Variants in ROBO1 observed in about 807,000 individuals in gnomAD.
The protein encoded by ROBO1 is roundabout guidance receptor 1.
A neutral mutation model predicts 195.9 loss-of-function variants in ROBO1; 149 were observed. That is an observed-to-expected ratio of 0.76 (90% confidence interval 0.67 to 0.87). The LOEUF (loss-of-function observed/expected upper bound fraction) is 0.87, where lower values mean the gene tolerates loss of function less well. Ranked by LOEUF, ROBO1 falls within the 40% of genes least tolerant of loss-of-function variation. The probability of loss-of-function intolerance (pLI) is 0.00; values close to 1 mark genes in which losing one functional copy is unlikely to be tolerated. For missense variants in ROBO1, 1,933 were observed against 2,068.3 expected, an observed-to-expected ratio of 0.93 and a Z score of 1.27; for synonymous variants, 816 against 733.2, an observed-to-expected ratio of 1.11 and a Z score of -1.82.
At position 79,391,641 on chromosome 3, in the gene ROBO1, T is replaced by C. The variant is rs527251170; in HGVS notation, c.88+198183A>G. 5.3e-5 allele frequency among the ~76,000 whole-genome samples: 8 copies of C among 152,278 alleles called. No homozygotes were observed. In the East Asian group the frequency reaches 1.5e-3, roughly 29 times the overall value. On this transcript the variant is annotated intron_variant, in intron 2 of 30. Coordinates refer to ENST00000464233, the MANE Select transcript of ROBO1 (RefSeq NM_002941.4). Reference sequence around the variant, plus strand: ...TAACATACAGAGATATCTATGTGAATTGTATATAGTATTCCCTCTAATTCA... The same window carrying C: ...TAACATACAGAGATATCTATGTGAACTGTATATAGTATTCCCTCTAATTCA...
intron 2 of ROBO1, among the ~76,000 whole-genome samples, chr3:79,381,422 A>G (rs139551660): frequency 6.6e-6 from 1 of 151,622 alleles, no homozygotes; most frequent in African/African-American, 2.4e-5. Flanking sequence ...ATTATAAGCC[A>G]TAAGTTTTAG....
chr3:78,915,134 A>G (rs1345690429), intron 4 of ROBO1, among the ~76,000 whole-genome samples: 1 of 152,158 alleles, frequency 6.6e-6, no homozygotes, highest in East Asian at 1.9e-4. Context: ...ATTATGACAA[A>G]GTCAAATTTA....
intron 2 of ROBO1, among the ~76,000 whole-genome samples, chr3:79,464,290 A>T (rs1937826240): frequency 2.0e-5 from 3 of 152,184 alleles, no homozygotes; most frequent in Non-Finnish European, 2.9e-5. Context: ...TATAACTAGG[A>T]GTGGAATTAC....
chr3:79,718,591 G>A (rs1420770717), intron 1 of ROBO1, among the ~76,000 whole-genome samples: 1 of 151,760 alleles, frequency 6.6e-6, no homozygotes, highest in Non-Finnish European at 1.5e-5. Context: ...GTAATTATTT[G>A]TCTCCCCCAT....
chr3:79,123,458 T>C (rs2080158826), intron 3 of ROBO1, among the ~76,000 whole-genome samples: 1 of 152,060 alleles, frequency 6.6e-6, no homozygotes, highest in Non-Finnish European at 1.5e-5. Flanking sequence ...GCAGTCAACA[T>C]TATTTTTTCT....
chr3:79,218,698 A>G (rs2082092510), intron 2 of ROBO1, among the ~76,000 whole-genome samples: 1 of 151,992 alleles, frequency 6.6e-6, no homozygotes, highest in Admixed American at 6.6e-5. Flanking sequence ...GTATAATGTA[A>G]TAGACAAAGA....
At chr3:79,208,686 CATGT>C (rs1218376474) in intron 2 of ROBO1, among the ~76,000 whole-genome samples, 5 of 79,950 alleles carry the variant, frequency 6.3e-5, no homozygotes, top group Middle Eastern at 5.6e-3. Flanking sequence ...GGTGGTGGGG[CATGT>C]GTGTGTGTGT....
At chr3:79,385,183 A>T (rs1273211202) in intron 2 of ROBO1, among the ~76,000 whole-genome samples, 1 of 152,062 alleles carries the variant, frequency 6.6e-6, no homozygotes, top group Non-Finnish European at 1.5e-5. Flanking sequence ...GTATTTCTTA[A>T]ATTTGGACGC....
intron 2 of ROBO1, among the ~76,000 whole-genome samples, chr3:79,226,859 C>T (rs2108841107): frequency 6.6e-6 from 1 of 152,080 alleles, no homozygotes; most frequent in Non-Finnish European, 1.5e-5. Context: ...CTTTCTGTTC[C>T]TTTACTCACA....
At chr3:79,658,324 T>A (rs902357631) in intron 1 of ROBO1, among the ~76,000 whole-genome samples, 6 of 152,108 alleles carry the variant, frequency 3.9e-5, no homozygotes, top group Non-Finnish European at 7.4e-5. Context: ...TTATTTCTTA[T>A]TAGTAATAGT....
chr3:79,512,969 C>T (rs1940782281), intron 2 of ROBO1: 1 of 152,070 alleles, frequency 6.6e-6, no homozygotes, highest in Admixed American at 6.6e-5. Context: ...GTATCAAGCA[C>T]AATGAATCAA....
intron 2 of ROBO1, among the ~76,000 whole-genome samples, chr3:79,339,658 T>A (rs745500817): frequency 6.6e-6 from 1 of 152,184 alleles, no homozygotes; most frequent in African/African-American, 2.4e-5. Flanking sequence ...TCTGACATAC[T>A]ATATAAGGTG....
chr3:78,905,112 TATAG>T (rs1179994905), intron 4 of ROBO1, among the ~76,000 whole-genome samples: 2 of 152,138 alleles, frequency 1.3e-5, no homozygotes, highest in African/African-American at 4.8e-5. Context: ...GCAGGAATAA[TATAG>T]AAACACCAGA....
chr3:79,482,908 T>C lies in ROBO1; in HGVS notation c.88+106916A>G, dbSNP rs186598026. ...CCTCAAGTCCATTTTCCTCTTCTTC[T>C]ATAATAATTGTTCTAGCTATGCCAT... On this transcript the variant is annotated intron_variant, in intron 2 of 30. Coordinates refer to ENST00000464233, the MANE Select transcript of ROBO1 (RefSeq NM_002941.4). Among the ~76,000 whole-genome samples, 88 of 152,278 alleles carry C rather than the reference T, an allele frequency of 5.8e-4. 1 individual carries two copies. Among genetic ancestry groups the C allele is most frequent in the South Asian group, 1.0e-3 (5 of 4,828 alleles).
At chr3:79,165,185 T>G (rs1430407200) in intron 2 of ROBO1, among the ~76,000 whole-genome samples, 2 of 152,194 alleles carry the variant, frequency 1.3e-5, no homozygotes, top group Admixed American at 1.3e-4. Flanking sequence ...GTTCAATAAA[T>G]ATTTATCATT....
intron 4 of ROBO1, among the ~76,000 whole-genome samples, chr3:78,770,638 C>T (rs565022609): frequency 6.6e-6 from 1 of 152,256 alleles, no homozygotes; most frequent in African/African-American, 2.4e-5. Context: ...TAATGAGGCT[C>T]CACTTGTCAA....
At chr3:78,731,276 C>T (rs944386364) in intron 5 of ROBO1, among the ~76,000 whole-genome samples, 3 of 151,972 alleles carry the variant, frequency 2.0e-5, no homozygotes, top group East Asian at 1.9e-4. Flanking sequence ...TTCTAACCTA[C>T]GTCTAGGATA....
intron 3 of ROBO1, among the ~76,000 whole-genome samples, chr3:78,951,916 G>C (rs1038448882): frequency 3.3e-5 from 5 of 151,932 alleles, no homozygotes; most frequent in Non-Finnish European, 7.4e-5. Flanking sequence ...CCATTTAAGA[G>C]ACTGCTCGTG....
chr3:78,940,230 C>T (rs1456374271), intron 3 of ROBO1, among the ~76,000 whole-genome samples: 1 of 151,968 alleles, frequency 6.6e-6, no homozygotes, highest in Non-Finnish European at 1.5e-5. Context: ...TCTCAAATTA[C>T]TCTGCTTAGC....
Sources: allele counts gnomAD v4.1 joint callset (sites outside exome capture counted in the v4.1 genomes callset), GRCh38; gene constraint gnomAD v4.1.1; transcripts MANE v1.5; gene names NCBI Gene and HGNC (gene_info 2026-07-23, HGNC 2026-07-21).